Variants in GCNT1 observed in about 807,000 individuals in gnomAD.
GCNT1 encodes the protein glucosaminyl (N-acetyl) transferase 1.
GCNT1 carries 16 observed loss-of-function variants against 26.2 expected under a neutral mutation model. That is an observed-to-expected ratio of 0.61 (90% CI 0.41 to 0.93). The LOEUF is 0.93. Among genes scored for constraint, GCNT1 ranks in the 40% least tolerant of loss-of-function variants. GCNT1 has a pLI of 0.00. For synonymous variants in GCNT1, 183 were observed against 190.8 expected (o/e 0.96, Z 0.34); for missense variants, 477 against 526.7 (o/e 0.91, Z 0.92).
chr9:76,483,441 G>T (rs1188202785), intron 2 of GCNT1, among the ~76,000 whole-genome samples: 1 of 151,770 alleles, frequency 6.6e-6, no homozygotes, highest in Non-Finnish European at 1.5e-5. Context: ...TAGAGACAGG[G>T]TCTTTCTCTA....
chr9:76,395,260 G>T, the GCNT1 span, among the ~76,000 whole-genome samples: 1 of 152,160 alleles, frequency 6.6e-6, no homozygotes, highest in South Asian at 2.1e-4. Context: ...ACGTCTCGAA[G>T]ACAAAGAAGT....
intron 2 of GCNT1, among the ~76,000 whole-genome samples, chr9:76,465,730 G>A (rs568040133): frequency 2.6e-5 from 4 of 152,312 alleles, no homozygotes; most frequent in South Asian, 4.1e-4. Context: ...ACTGGATAAC[G>A]CTTAATGACA....
At chr9:76,399,439 C>T in the GCNT1 span, 6 of 1,543,318 alleles carry the variant, frequency 3.9e-6, no homozygotes, top group Non-Finnish European at 5.3e-6. Context: ...AGGTTGCAGA[C>T]TGGTCTGAAG....
At chr9:76,466,462 T>A (rs1000254164) in intron 2 of GCNT1, among the ~76,000 whole-genome samples, 4 of 152,192 alleles carry the variant, frequency 2.6e-5, no homozygotes, top group Non-Finnish European at 5.9e-5. Flanking sequence ...TACGCCTGGC[T>A]AATTTTTGTA....
chr9:76,486,279 ATGT>A (rs1262420582), intron 2 of GCNT1, among the ~76,000 whole-genome samples: 1 of 152,176 alleles, frequency 6.6e-6, no homozygotes, highest in Non-Finnish European at 1.5e-5. Flanking sequence ...CAGGTTAGTG[ATGT>A]TGTTAATGCT....
chr9:76,451,881 T>G (rs1388224600), intron 1 of GCNT1, among the ~76,000 whole-genome samples: 1 of 152,134 alleles, frequency 6.6e-6, no homozygotes, highest in Non-Finnish European at 1.5e-5. Context: ...TAAGGTTATA[T>G]ATCTTGTGAC....
chr9:76,499,437 T>C lies in GCNT1; in HGVS notation c.-289-1479T>C, dbSNP rs1825003471. 3.9e-5 allele frequency among the ~76,000 whole-genome samples: 6 copies of C among 152,318 alleles called. No homozygotes were observed. In the South Asian group the frequency reaches 1.2e-3, roughly 32 times the overall value. On this transcript the variant is annotated intron_variant, in intron 2 of 3. Transcript: ENST00000376730. ...GCCACCACACCTAGCCAACAAACTTTCTGCGCGTTGAATATGTCACTCACT... is the reference window on the plus strand; with the variant it reads ...GCCACCACACCTAGCCAACAAACTTCCTGCGCGTTGAATATGTCACTCACT...
upstream of GCNT1, among the ~76,000 whole-genome samples, chr9:76,455,126 G>A (rs369939652): frequency 6.6e-6 from 1 of 151,948 alleles, no homozygotes; most frequent in East Asian, 1.9e-4. Context: ...GATTACAGGC[G>A]TGAGCCACCG....
the GCNT1 span, among the ~76,000 whole-genome samples, chr9:76,405,462 A>G: frequency 2.6e-3 from 402 of 152,312 alleles, 1 homozygote; most frequent in African/African-American, 9.3e-3. Flanking sequence ...GGTTTACACA[A>G]AGGAATACCG....
the GCNT1 span, among the ~76,000 whole-genome samples, chr9:76,413,653 G>GTTTTTGTTTTTTTGTTTTGTTTTTTT: frequency 8.4e-6 from 1 of 118,664 alleles, no homozygotes; most frequent in Admixed American, 8.9e-5. Context: ...GTTTTGTTTT[G>GTTTTTGTTTTTTTGTTTTGTTTTTTT]TTTTTTTTTT....
rs774315358 is a variant in GCNT1, at chr9:76,502,977, G to T, written c.596G>T (p.Cys199Phe). 1.5e-5 allele frequency: 24 copies of T among 1,613,138 alleles called. No individual in the cohort carries two copies. Among genetic ancestry groups the T allele is most frequent in the Non-Finnish European group, 1.9e-5 (22 of 1,179,950 alleles). ...AGCCGGGTTCAGGCTGACCTCAACT[G>T]CATGAAGGATCTCTATGCAATGAGT... ...SWSRVQADLN[C>F]MKDLYAMSAN... Residue 199 changes from cysteine to phenylalanine, a missense_variant, in exon 4 of 4, where the codon TGC (cysteine) becomes TTC (phenylalanine). Cys to Phe is a radical substitution (Grantham distance 205, BLOSUM62 -2). Transcript: ENST00000376730.
chr9:76,394,163 G>A, the GCNT1 span: 1 of 1,605,554 alleles, frequency 6.2e-7, no homozygotes, highest in Non-Finnish European at 8.5e-7. Flanking sequence ...AGTAAGGCAG[G>A]TGCCTCATAA....
intron 2 of GCNT1, among the ~76,000 whole-genome samples, chr9:76,494,415 G>A (rs1452999734): frequency 6.6e-6 from 1 of 152,174 alleles, no homozygotes; most frequent in East Asian, 1.9e-4. Context: ...ATACCCTGAG[G>A]GAGGGAAGGG....
At chr9:76,445,501 C>T (rs1341571665) in intron 1 of GCNT1, among the ~76,000 whole-genome samples, 1 of 152,018 alleles carries the variant, frequency 6.6e-6, no homozygotes, top group Non-Finnish European at 1.5e-5. Context: ...GATTCTTGTC[C>T]CTCAGCCTCC....
chr9:76,415,560 G>T (rs1032387921), upstream of GCNT1, among the ~76,000 whole-genome samples: 2 of 152,204 alleles, frequency 1.3e-5, no homozygotes, highest in Admixed American at 6.5e-5. Flanking sequence ...ACCTAGAAGG[G>T]TAGAGGGAAG....
chr9:76,452,069 A>C (rs1823676967), intron 1 of GCNT1, among the ~76,000 whole-genome samples: 1 of 150,670 alleles, frequency 6.6e-6, no homozygotes, highest in South Asian at 2.1e-4. Flanking sequence ...CCTGGCTTCA[A>C]GTGATTCTCC....
At chr9:76,424,168 T>C (rs1373255376) in intron 1 of GCNT1, among the ~76,000 whole-genome samples, 1 of 152,162 alleles carries the variant, frequency 6.6e-6, no homozygotes, top group Non-Finnish European at 1.5e-5. Context: ...CAGACTGTAA[T>C]ATTTTGTTTA....
In GCNT1 at chr9:76,502,833, G is replaced by A. The variant is rs1344413058; in HGVS notation, c.452G>A (p.Cys151Tyr). 1 of 1,614,032 alleles carries A rather than the reference G, an allele frequency of 6.2e-7. No individual in the cohort carries two copies. Among genetic ancestry groups the A allele is most frequent in the Non-Finnish European group, 8.5e-7 (1 of 1,179,948 alleles). The change falls in exon 4 of 4, where the codon TGC becomes TAC. Residue 151 changes from cysteine to tyrosine, a missense_variant. Physicochemically the swap from Cys to Tyr is radical, Grantham distance 194. Coordinates refer to ENST00000376730, the MANE Select transcript of GCNT1 (RefSeq NM_001490.5). ...RAIYMPQNFY[C>Y]IHVDTKSEDS... ...ATCTATATGCCTCAGAATTTCTATT[G>A]CATTCATGTGGACACAAAATCCGAG...
At chr9:76,492,748 G>A (rs951057116) in intron 2 of GCNT1, among the ~76,000 whole-genome samples, 1 of 151,334 alleles carries the variant, frequency 6.6e-6, no homozygotes, top group Non-Finnish European at 1.5e-5. Context: ...CTGATAACAA[G>A]CCCTACTGGG....
Sources: gnomAD v4.1 joint callset for allele counts (sites outside exome capture counted in the v4.1 genomes callset) on GRCh38, gnomAD v4.1.1 for gene constraint, MANE v1.5 for transcripts, NCBI Gene and HGNC (gene_info 2026-07-23, HGNC 2026-07-21) for gene names.